Variants in NT5C1B observed in about 807,000 individuals in gnomAD.
The protein encoded by NT5C1B is 5'-nucleotidase, cytosolic IB.
Under a neutral mutation model 57.8 loss-of-function variants are expected in NT5C1B, and 44 were observed. The observed-to-expected ratio is 0.76, with a 90% CI of 0.60 to 0.98. The LOEUF is 0.98. Among genes scored for constraint, NT5C1B ranks in the 50% least tolerant of loss-of-function variants. The pLI, the probability that NT5C1B is intolerant of heterozygous loss-of-function variation, is 0.00. For synonymous variants in NT5C1B, 284 were observed against 282.6 expected, an observed-to-expected ratio of 1.00 and a Z score of -0.05; for missense variants, 742 against 719.5, an observed-to-expected ratio of 1.03 and a Z score of -0.36.
In NT5C1B at chr2:18,584,030, C is replaced by T; in HGVS notation, c.891+58G>A. ...ATTGGATGCCCTCCCAAGGGTTGGCCTGGGTCCCTCCCTCGCCATCGAGTG... is the reference window on the plus strand; with the variant it reads ...ATTGGATGCCCTCCCAAGGGTTGGCTTGGGTCCCTCCCTCGCCATCGAGTG... On this transcript the variant is annotated intron_variant, in intron 5 of 8. Coordinates refer to ENST00000304081, the Ensembl canonical transcript of NT5C1B. The surrounding 1 kb of genome is among the most constrained non-coding windows in gnomAD (Gnocchi z 5.8). 1 of 1,613,958 alleles carries T rather than the reference C, an allele frequency of 6.2e-7. No individual in the cohort carries two copies. The highest frequency in any genetic ancestry group is 8.5e-7 in the Non-Finnish European group (1 of 1,179,908).
chr2:18,582,127 T>C (rs1666237022), intron 6 of NT5C1B, among the ~76,000 whole-genome samples: 1 of 152,222 alleles, frequency 6.6e-6, no homozygotes, highest in South Asian at 2.1e-4. Flanking sequence ...CATAACACTA[T>C]GAAGACTGCA....
At chr2:18,581,781 T>C (rs1666206602) in intron 6 of NT5C1B, among the ~76,000 whole-genome samples, 1 of 152,154 alleles carries the variant, frequency 6.6e-6, no homozygotes, top group Non-Finnish European at 1.5e-5. Context: ...TGTAAAACAT[T>C]TGTTATAATA....
Position 18,584,181 on chromosome 2 carries a change from G to C in NT5C1B, c.798C>G (p.Ile266Met). 1 of 1,614,164 alleles carries C rather than the reference G, an allele frequency of 6.2e-7. No homozygotes were observed. The highest frequency in any genetic ancestry group is 8.5e-7 in the Non-Finnish European group (1 of 1,180,038). Residue 266 changes from isoleucine (I) to methionine (M), a missense_variant, in exon 5 of 9, where the codon ATC (isoleucine) becomes ATG (methionine). Coordinates refer to ENST00000304081, the Ensembl canonical transcript of NT5C1B. This position sits in a 1 kb window ranked among gnomAD's most constrained non-coding sequence, Gnocchi z 5.8. ...ACTTTTCCAGACCCTCTTGCTCGTA[G>C]ATTTTCCTGCCGTCCACCATGTTGA...
exon 9 of NT5C1B, chr2:18,564,034 C>T: frequency 6.2e-7 from 1 of 1,613,476 alleles, no homozygotes; most frequent in Non-Finnish European, 8.5e-7. Flanking sequence ...CAGGTAGGTC[C>T]TGATAGGACA....
intron 2 of NT5C1B, chr2:18,586,739 A>T (rs1558390664): frequency 1.6e-6 from 1 of 628,706 alleles, no homozygotes; most frequent in East Asian, 3.1e-5. Flanking sequence ...CTGTTAACAG[A>T]TGCTGAAACA....
intron 5 of NT5C1B, 137 bp from the exon 6 acceptor site, chr2:18,583,134 A>C (rs1156675212): frequency 3.4e-6 from 4 of 1,189,818 alleles, no homozygotes; most frequent in Non-Finnish European, 4.5e-6. Context: ...TCCTTTAAGG[A>C]AGATTTATCC....
chr2:18,587,927 T>C (rs1666869981), intron 1 of NT5C1B, among the ~76,000 whole-genome samples: 1 of 152,194 alleles, frequency 6.6e-6, no homozygotes, highest in South Asian at 2.1e-4. Flanking sequence ...TTTTTTTTTC[T>C]ATTACTCTGA....
chr2:18,585,176 T>A, intron 3 of NT5C1B, 198 bp from the exon 4 acceptor site: 1 of 811,904 alleles, frequency 1.2e-6, no homozygotes, highest in Non-Finnish European at 2.2e-6. Flanking sequence ...ACAGAGACTG[T>A]CTGCTTTCAT....
In NT5C1B at chr2:18,587,227, C is replaced by A. The variant is rs554385934; in HGVS notation, c.120+276G>T. 1.4e-5 allele frequency: 22 copies of A among 1,556,122 alleles called. No homozygotes were observed. In the South Asian group the frequency reaches 2.5e-4, roughly 18 times the overall value. On this transcript the variant is annotated intron_variant, in intron 2 of 8. Transcript: ENST00000304081. ...GCCATGGCCAGACCCCCTCCCCTCC[C>A]TGATTTGAACAAAGACCAGTCTCCC...
At chr2:18,574,039 G>T (rs922652738) in intron 8 of NT5C1B, among the ~76,000 whole-genome samples, 2 of 152,118 alleles carry the variant, frequency 1.3e-5, no homozygotes, top group African/African-American at 4.8e-5. Flanking sequence ...GCACCCTATG[G>T]AATGGGAGAA....
At chr2:18,564,260 A>C in intron 8 of NT5C1B, 141 bp from the exon 9 acceptor site, 1 of 979,874 alleles carries the variant, frequency 1.0e-6, no homozygotes, top group Non-Finnish European at 1.4e-6. Context: ...TGATGGCAAA[A>C]TGCTAAAACT....
chr2:18,585,071 T>C, intron 3 of NT5C1B, 93 bp from the exon 4 acceptor site: 2 of 1,520,442 alleles, frequency 1.3e-6, no homozygotes, highest in Non-Finnish European at 1.8e-6. Context: ...TCCTAGACCT[T>C]TGATGGGTGC....
chr2:18,583,730 C>G (rs549204533), intron 5 of NT5C1B: 2 of 425,922 alleles, frequency 4.7e-6, no homozygotes, highest in African/African-American at 4.1e-5. Flanking sequence ...GAAGAGCTAA[C>G]GTGAATTTCA....
At chr2:18,586,432 C>G in intron 2 of NT5C1B, 41 bp from the exon 3 acceptor site, 1 of 1,609,000 alleles carries the variant, frequency 6.2e-7, no homozygotes. Context: ...AAAACCCCAT[C>G]ACCAACTCCT....
At chr2:18,588,482 G>A (rs986819373) in intron 1 of NT5C1B, among the ~76,000 whole-genome samples, 1 of 152,182 alleles carries the variant, frequency 6.6e-6, no homozygotes, top group African/African-American at 2.4e-5. Context: ...TTGCATGAGA[G>A]AATGGCATAG....
In NT5C1B at chr2:18,584,249, G is replaced by T; in HGVS notation, c.730C>A (p.Pro244Thr). 1 of 1,613,582 alleles carries T rather than the reference G, an allele frequency of 6.2e-7. No individual in the cohort carries two copies. Among genetic ancestry groups the T allele is most frequent in the Non-Finnish European group, 8.5e-7 (1 of 1,179,584 alleles). ...AGAGCAATGGTGATGGCGTTCTTGG[G>T]TTTGGGCTGCAGAGAGGGACGCCAA... The change falls in exon 5 of 9, where the codon CCC becomes ACC. Residue 244 changes from proline to threonine, a missense_variant. Coordinates refer to ENST00000304081, the Ensembl canonical transcript of NT5C1B. This position sits in a 1 kb window ranked among gnomAD's most constrained non-coding sequence, Gnocchi z 5.8.
intron 6 of NT5C1B, among the ~76,000 whole-genome samples, chr2:18,580,706 A>G (rs1666110127): frequency 6.6e-6 from 1 of 152,244 alleles, no homozygotes; most frequent in South Asian, 2.1e-4. Flanking sequence ...ATGCCCATTG[A>G]TGATAGACTG....
At chr2:18,572,246 G>A (rs1665273743) in intron 8 of NT5C1B, among the ~76,000 whole-genome samples, 1 of 152,104 alleles carries the variant, frequency 6.6e-6, no homozygotes, top group South Asian at 2.1e-4. Flanking sequence ...TTAGGATAAG[G>A]AGGAAAAATG....
chr2:18,577,453 T>C (rs1423126303), intron 6 of NT5C1B, among the ~76,000 whole-genome samples: 1 of 134,234 alleles, frequency 7.4e-6, no homozygotes, highest in African/African-American at 2.9e-5. Flanking sequence ...AAAGGCTCTA[T>C]CTCAAAACCA....
Sources: allele counts gnomAD v4.1 joint callset (sites outside exome capture counted in the v4.1 genomes callset), GRCh38; gene constraint gnomAD v4.1.1; non-coding constraint Gnocchi (gnomAD v3.1); transcripts MANE v1.5; gene names NCBI Gene and HGNC (gene_info 2026-07-23, HGNC 2026-07-21).